Variants in LRFN5 observed in about 807,000 individuals in gnomAD.
LRFN5 encodes the protein leucine-rich repeat and fibronectin type-III domain-containing protein 5.
A neutral mutation model predicts 45.6 loss-of-function variants in LRFN5; 24 were observed. The observed-to-expected ratio is 0.53, with a 90% CI of 0.38 to 0.74. The LOEUF (loss-of-function observed/expected upper bound fraction) is 0.74, where lower values mean the gene tolerates loss of function less well. Ranked by LOEUF, LRFN5 falls within the 30% of genes least tolerant of loss-of-function variation. LRFN5 has a pLI of 0.00. For missense variants in LRFN5, 776 were observed against 861.5 expected (o/e 0.90, Z 1.24); for synonymous variants, 340 against 313.8 (o/e 1.08, Z -0.88).
intron 1 of LRFN5, among the ~76,000 whole-genome samples, chr14:41,738,993 C>T (rs370902433): frequency 2.2e-4 from 34 of 152,120 alleles, no homozygotes; most frequent in African/African-American, 8.0e-4. Context: ...TTCTATAGAT[C>T]ACATGTTAGT....
intron 1 of LRFN5, among the ~76,000 whole-genome samples, chr14:41,623,616 A>G (rs1888217242): frequency 6.6e-6 from 1 of 152,118 alleles, no homozygotes; most frequent in South Asian, 2.1e-4. Flanking sequence ...TTTAAATATA[A>G]ACTTTCGGTG....
chr14:41,687,956 TA>T (rs1435194844), intron 1 of LRFN5, among the ~76,000 whole-genome samples: 17 of 151,992 alleles, frequency 1.1e-4, no homozygotes, highest in Non-Finnish European at 2.2e-4. Context: ...ATAAAAACAA[TA>T]AAAAAAGAAA....
chr14:41,624,001 A>G (rs1249177678), intron 1 of LRFN5, among the ~76,000 whole-genome samples: 1 of 152,088 alleles, frequency 6.6e-6, no homozygotes, highest in Non-Finnish European at 1.5e-5. Flanking sequence ...GTGTAATGTA[A>G]CTAGTTTAAT....
intron 2 of LRFN5, among the ~76,000 whole-genome samples, chr14:41,832,488 C>T (rs554029297): frequency 7.9e-5 from 12 of 152,074 alleles, no homozygotes; most frequent in South Asian, 2.1e-4. Context: ...TTCCTCCCTT[C>T]GGAACTAAGA....
chr14:41,621,695 C>T (rs1298141735), intron 1 of LRFN5, among the ~76,000 whole-genome samples: 1 of 152,076 alleles, frequency 6.6e-6, no homozygotes, highest in African/African-American at 2.4e-5. Flanking sequence ...AAAAACTCAA[C>T]CTAAATTGCC....
At chr14:41,727,793 C>A (rs1328610964) in intron 1 of LRFN5, among the ~76,000 whole-genome samples, 3 of 152,100 alleles carry the variant, frequency 2.0e-5, no homozygotes, top group Non-Finnish European at 4.4e-5. Flanking sequence ...TCTGGCAGTA[C>A]CTTTGGCTGT....
At chr14:41,878,010 T>G (rs540184748) in intron 2 of LRFN5, among the ~76,000 whole-genome samples, 86 of 151,602 alleles carry the variant, frequency 5.7e-4, no homozygotes, top group African/African-American at 2.0e-3. Context: ...ATATATCATA[T>G]TTTGAGGCCT....
At chr14:41,846,377 T>G (rs1257858015) in intron 2 of LRFN5, among the ~76,000 whole-genome samples, 1 of 151,962 alleles carries the variant, frequency 6.6e-6, no homozygotes, top group Admixed American at 6.6e-5. Context: ...AACAATAGAA[T>G]CAAAAATACA....
chr14:41,868,216 CT>C (rs1186393886), intron 2 of LRFN5, among the ~76,000 whole-genome samples: 1 of 152,116 alleles, frequency 6.6e-6, no homozygotes, highest in South Asian at 2.1e-4. Context: ...CTTTTCTTTA[CT>C]TTTTTTGTAT....
intron 1 of LRFN5, among the ~76,000 whole-genome samples, chr14:41,655,287 T>TATA (rs1880325253): frequency 6.6e-6 from 1 of 152,036 alleles, no homozygotes; most frequent in Non-Finnish European, 1.5e-5. Context: ...GGAAGGGTTA[T>TATA]TATTTTATAT....
intron 1 of LRFN5, among the ~76,000 whole-genome samples, chr14:41,712,417 GA>G (rs1883323462): frequency 6.6e-6 from 1 of 151,956 alleles, no homozygotes; most frequent in East Asian, 1.9e-4. Context: ...CTATGACAAA[GA>G]AAAAATAAAA....
intron 1 of LRFN5, among the ~76,000 whole-genome samples, chr14:41,667,171 G>A (rs906557264): frequency 1.3e-5 from 2 of 152,106 alleles, no homozygotes; most frequent in Non-Finnish European, 2.9e-5. Context: ...GCGATGAACT[G>A]TTAGTTTAGA....
intron 2 of LRFN5, among the ~76,000 whole-genome samples, chr14:41,771,925 A>G (rs985702589): frequency 6.6e-6 from 1 of 152,156 alleles, no homozygotes; most frequent in Non-Finnish European, 1.5e-5. Context: ...TCATTTTTGT[A>G]TCACTATAAA....
intron 1 of LRFN5, among the ~76,000 whole-genome samples, chr14:41,678,303 G>A (rs9672062): frequency 6.6e-6 from 1 of 151,764 alleles, no homozygotes; most frequent in South Asian, 2.1e-4. Context: ...ATATGTATAT[G>A]CCATATATAT....
chr14:41,901,797 G>A (rs73303388), intron 5 of LRFN5, among the ~76,000 whole-genome samples: 1,745 of 152,066 alleles, frequency 0.011, 31 homozygotes, highest in African/African-American at 0.04. Context: ...TTTGTTTCCA[G>A]GTGAGTGTGA....
chr14:41,887,943 A>T lies in LRFN5; in HGVS notation c.1318A>T (p.Asn440Tyr). The change falls in exon 3 of 6, where the codon AAT becomes TAT. Residue 440 changes from asparagine (N) to tyrosine (Y), a missense_variant. Transcript: ENST00000298119. This position sits in a 1 kb window ranked among gnomAD's most constrained non-coding sequence, Gnocchi z 4.8. ...ACTACTTAAATTTAATTTTCAAAGAAATATCCCTGGAATACGTATGTTTCA... is the reference window on the plus strand; with the variant it reads ...ACTACTTAAATTTAATTTTCAAAGATATATCCCTGGAATACGTATGTTTCA... ...TALLKFNFQR[N>Y]IPGIRMFQIQ... The T allele has an allele frequency of 6.2e-7, 1 of 1,613,920 alleles. No individual in the cohort carries two copies.
At chr14:41,884,229 A>C (rs550295544) in intron 2 of LRFN5, among the ~76,000 whole-genome samples, 1 of 152,168 alleles carries the variant, frequency 6.6e-6, no homozygotes, top group African/African-American at 2.4e-5. Context: ...TTAACTCACT[A>C]TCTCAAGGAT....
chr14:41,781,608 GAAAGAAAGAGAA>G lies in LRFN5; in HGVS notation c.-21+14581_-21+14592del, dbSNP rs1373520858. ...AGAAAGAAAGAAAGAAAGAAAGAAAGAAAGAAAGAGAAAGAAAGAAAGAAAGGAAAGAAAGAA... is the reference window on the plus strand; with the variant it reads ...AGAAAGAAAGAAAGAAAGAAAGAAAGAGAAAGAAAGAAAGGAAAGAAAGAA... On this transcript the variant is annotated intron_variant, in intron 2 of 5. Transcript: ENST00000298119. Among the ~76,000 whole-genome samples the G allele has an allele frequency of 7.8e-3, 653 of 83,572 alleles. 15 individuals are homozygous for G. Among genetic ancestry groups the G allele is most frequent in the African/African-American group, 0.03 (511 of 16,944 alleles). The allele number at this position is 83,572 out of a possible 152,430, so 54.8% of individuals were successfully genotyped here. A position where few individuals can be genotyped will look rare whatever the true frequency, so the allele number is the denominator to read the frequency against.
intron 1 of LRFN5, among the ~76,000 whole-genome samples, chr14:41,617,180 A>G (rs1887955958): frequency 6.6e-6 from 1 of 152,126 alleles, no homozygotes; most frequent in African/African-American, 2.4e-5. Context: ...ATAATATATA[A>G]TGGATGATGA....
Sources: allele counts gnomAD v4.1 joint callset (sites outside exome capture counted in the v4.1 genomes callset), GRCh38; gene constraint gnomAD v4.1.1; non-coding constraint Gnocchi (gnomAD v3.1); transcripts MANE v1.5; gene names NCBI Gene and HGNC (gene_info 2026-07-23, HGNC 2026-07-21).